Variants in FRZB observed in about 807,000 individuals in gnomAD.
The protein encoded by FRZB is frizzled related protein.
A neutral mutation model predicts 32.5 loss-of-function variants in FRZB; 34 were observed. The observed-to-expected ratio is 1.05, with a 90% CI of 0.80 to 1.39. The LOEUF is 1.39. FRZB is among the 40% of genes most tolerant of loss of function. The pLI is 0.00. For synonymous variants in FRZB, 170 were observed against 159.2 expected (o/e 1.07, Z -0.51); for missense variants, 423 against 424.8 (o/e 1.00, Z 0.04).
chr2:182,836,731 A>G (rs1044356475), intron 5 of FRZB, among the ~76,000 whole-genome samples: 3 of 152,046 alleles, frequency 2.0e-5, no homozygotes, highest in Non-Finnish European at 4.4e-5. Flanking sequence ...TAAAGACAGT[A>G]AGAGATTCCA....
At chr2:182,848,186 G>A (rs1695667671) in intron 2 of FRZB, among the ~76,000 whole-genome samples, 2 of 152,112 alleles carry the variant, frequency 1.3e-5, no homozygotes, top group Admixed American at 6.5e-5. Flanking sequence ...TGGCACCACT[G>A]CTAGCACCAC....
chr2:182,845,190 C>T (rs936721089), intron 2 of FRZB, among the ~76,000 whole-genome samples: 3 of 152,122 alleles, frequency 2.0e-5, no homozygotes, highest in Non-Finnish European at 2.9e-5. Flanking sequence ...CACACATCAA[C>T]GTACACATCC....
chr2:182,853,204 A>G (rs1695728730), intron 2 of FRZB, among the ~76,000 whole-genome samples: 1 of 152,218 alleles, frequency 6.6e-6, no homozygotes, highest in Admixed American at 6.5e-5. Flanking sequence ...ACATTTTTAA[A>G]AGACGAACAG....
chr2:182,833,525 A>G lies in FRZB; in HGVS notation c.*1324T>C, dbSNP rs1695488333. The G allele has an allele frequency of 6.6e-6, 1 of 152,192 alleles. No homozygotes were observed. The highest frequency in any genetic ancestry group is 1.5e-5 in the Non-Finnish European group (1 of 68,030). 9.4% of individuals were successfully genotyped at this position (152,192 alleles called of 1,614,324 possible). ...GTTACATCCTGATAAACCCATTGTA[A>G]GTCAACAAATTGTTAAATTGAAGCA... On this transcript the variant is annotated 3_prime_UTR_variant, in exon 6 of 6. Transcript: ENST00000295113.
Position 182,842,465 on chromosome 2 carries a change from A to G in FRZB, c.592+13T>C. The G allele has an allele frequency of 6.3e-7, 1 of 1,599,840 alleles. No homozygotes were observed. Among genetic ancestry groups the G allele is most frequent in the Admixed American group, 1.7e-5 (1 of 59,956 alleles). ...CACAGCAGTTTATACATCAACCATG[A>G]AATTTTCCTTACCATAGTTGTAATT... is the stretch of plus-strand genomic sequence containing the variant. On this transcript the variant is annotated intron_variant, in intron 3 of 5. Transcript: ENST00000295113.
At chr2:182,860,154 T>C (rs1043565034) in intron 1 of FRZB, among the ~76,000 whole-genome samples, 3 of 152,228 alleles carry the variant, frequency 2.0e-5, no homozygotes, top group Non-Finnish European at 4.4e-5. Flanking sequence ...AGTGTTTTAC[T>C]TCTTCCATTC....
chr2:182,836,554 A>T (rs969779417), intron 5 of FRZB, among the ~76,000 whole-genome samples: 2 of 152,108 alleles, frequency 1.3e-5, no homozygotes, highest in Non-Finnish European at 2.9e-5. Flanking sequence ...GAAACAGGAC[A>T]AACAAGCCAT....
Position 182,838,484 on chromosome 2 carries a change from G to A in FRZB, c.722C>T (p.Ser241Phe). 2 of 1,613,026 alleles carry A rather than the reference G, an allele frequency of 1.2e-6. No individual in the cohort carries two copies. The highest frequency in any genetic ancestry group is 1.7e-6 in the Non-Finnish European group (2 of 1,179,280). ...PRDTVNLYTS[S>F]GCLCPPLNVN... Reference sequence around the variant, plus strand: ...ATTAAGTGGAGGGCAGAGGCAGCCAGAGCTGGTATAGAGGTTGACAGTGTC... The same window carrying A: ...ATTAAGTGGAGGGCAGAGGCAGCCAAAGCTGGTATAGAGGTTGACAGTGTC... Residue 241 changes from serine to phenylalanine, a missense_variant, in exon 4 of 6, where the codon TCT (serine) becomes TTT (phenylalanine). Ser to Phe is a radical substitution (Grantham distance 155). Coordinates refer to ENST00000295113, the MANE Select transcript of FRZB (RefSeq NM_001463.4).
At chr2:182,850,717 T>C (rs1277001943) in intron 2 of FRZB, among the ~76,000 whole-genome samples, 1 of 152,266 alleles carries the variant, frequency 6.6e-6, no homozygotes, top group African/African-American at 2.4e-5. Flanking sequence ...AATGTATTAA[T>C]TCCCTTTCTT....
In FRZB at chr2:182,834,591, A is replaced by G. The variant is rs1370076051; in HGVS notation, c.*258T>C. On this transcript the variant is annotated 3_prime_UTR_variant, in exon 6 of 6. Transcript: ENST00000295113. ...ATGTTTAATTTATTATTATTGCAAA[A>G]GAACAGTTTTTCTCATGATTAGTGA... 2.3e-6 allele frequency: 1 copy of G among 442,154 alleles called. No individual in the cohort carries two copies. Among genetic ancestry groups the G allele is most frequent in the East Asian group, 3.4e-5 (1 of 29,018 alleles). 27.4% of individuals were successfully genotyped at this position (442,154 alleles called of 1,614,324 possible). A position where few individuals can be genotyped will look rare whatever the true frequency, so the allele number is the denominator to read the frequency against.
chr2:182,849,505 C>T (rs1195818844), intron 2 of FRZB, among the ~76,000 whole-genome samples: 3 of 152,082 alleles, frequency 2.0e-5, no homozygotes, highest in Non-Finnish European at 4.4e-5. Flanking sequence ...ATTTCCTACA[C>T]CTATACACAG....
intron 1 of FRZB, 83 bp downstream of exon 1, chr2:182,865,992 T>G (rs764903732): frequency 1.9e-6 from 2 of 1,064,868 alleles, no homozygotes; most frequent in Non-Finnish European, 2.8e-6. Context: ...AGAAAAAAAT[T>G]AGAGAGTAAA....
rs1574990644 is a variant in FRZB at position 182,864,832 on chromosome 2, T to C, written c.478+1243A>G. On this transcript the variant is annotated intron_variant, in intron 1 of 5. Coordinates refer to ENST00000295113, the MANE Select transcript of FRZB (RefSeq NM_001463.4). ...AGTTGATGCCCAAGAAATAAACAGA[T>C]GGAGGCAACCAAGTCAACACATCTA... 2.0e-5 allele frequency among the ~76,000 whole-genome samples: 3 copies of C among 151,654 alleles called. No individual in the cohort carries two copies. In the South Asian group the frequency reaches 6.2e-4, roughly 32 times the overall value.
intron 2 of FRZB, among the ~76,000 whole-genome samples, chr2:182,851,646 ACTCCAT>A (rs1243170500): frequency 6.6e-6 from 1 of 151,890 alleles, no homozygotes; most frequent in African/African-American, 2.4e-5. Context: ...ACAGAGTGAG[ACTCCAT>A]CTCAAAAAAA....
At chr2:182,842,430 C>A in intron 3 of FRZB, 48 bp downstream of exon 3, 1 of 1,346,544 alleles carries the variant, frequency 7.4e-7, no homozygotes, top group Non-Finnish European at 1.1e-6. Flanking sequence ...CATCCACACA[C>A]CTCTCTTAAC....
In FRZB at chr2:182,849,262, A is replaced by G. The variant is rs879927295; in HGVS notation, c.527-6719T>C. Among the ~76,000 whole-genome samples the G allele has an allele frequency of 2.2e-3, 183 of 84,314 alleles. No homozygotes were observed. The Middle Eastern group carries it at 0.027, about 12-fold the overall frequency. 55.3% of individuals were successfully genotyped at this position (84,314 alleles called of 152,430 possible). ...AATAAATAAATAAATAAATAAATAA[A>G]TAAATAAATAAATAAATGTTCTTTA... is the stretch of plus-strand genomic sequence containing the variant. On this transcript the variant is annotated intron_variant, in intron 2 of 5. Transcript: ENST00000295113.
Position 182,866,216 on chromosome 2 carries a change from C to T in FRZB, c.337G>A (p.Glu113Lys). 1 of 1,614,160 alleles carries T rather than the reference C, an allele frequency of 6.2e-7. No individual in the cohort carries two copies. Among genetic ancestry groups the T allele is most frequent in the African/African-American group, 1.3e-5 (1 of 75,058 alleles). The change falls in exon 1 of 6, where the codon GAG (glutamate) becomes AAG (lysine). Residue 113 changes from glutamate to lysine, a missense_variant. Glu to Lys is a moderately conservative substitution (Grantham distance 56, BLOSUM62 1). Transcript: ENST00000295113. This position sits in a 1 kb window ranked among gnomAD's most constrained non-coding sequence, Gnocchi z 4.5. ...GGCTCACAGCCCTGCCGGGCCCGCTCGCACACAGACTTACAGGGCTTGATG... is the reference window on the plus strand; with the variant it reads ...GGCTCACAGCCCTGCCGGGCCCGCTTGCACACAGACTTACAGGGCTTGATG... ...EPIKPCKSVC[E>K]RARQGCEPIL...
In FRZB at chr2:182,834,863, G is replaced by A. The variant is rs766566931; in HGVS notation, c.964C>T (p.Gln322Ter). 6.2e-7 allele frequency: 1 copy of A among 1,612,826 alleles called. No homozygotes were observed. The highest frequency in any genetic ancestry group is 8.5e-7 in the Non-Finnish European group (1 of 1,179,008). Reference protein sequence around the residue: ...QKSGRNSNPRQARN With the variant: ...QKSGRNSNPR Reference sequence around the variant, plus strand: ...TATTTCGGGATTTAGTTGCGTGCTTGCCGGGGGTTCGAGTTCCTGCCAGAC... The same window carrying A: ...TATTTCGGGATTTAGTTGCGTGCTTACCGGGGGTTCGAGTTCCTGCCAGAC... Residue 322 changes from glutamine (Q) to a stop codon, truncating the protein, a stop_gained, in exon 6 of 6, where the codon CAA (glutamine) becomes TAA (stop). Transcript: ENST00000295113. LOFTEE classifies it high-confidence loss of function.
intron 2 of FRZB, among the ~76,000 whole-genome samples, chr2:182,853,932 G>T (rs912101625): frequency 6.6e-6 from 1 of 152,114 alleles, no homozygotes; most frequent in Non-Finnish European, 1.5e-5. Flanking sequence ...ATGAACATTA[G>T]AATGAATAAA....
Sources: gnomAD v4.1 joint callset for allele counts (sites outside exome capture counted in the v4.1 genomes callset) on GRCh38, gnomAD v4.1.1 for gene constraint, Gnocchi (gnomAD v3.1) non-coding constraint, MANE v1.5 for transcripts, NCBI Gene and HGNC (gene_info 2026-07-23, HGNC 2026-07-21) for gene names.